The following PRKCE variants were observed in gnomAD, a reference collection of about 807,000 sequenced individuals.
PRKCE encodes the protein protein kinase C epsilon.
In PRKCE, 16 loss-of-function variants were observed where a neutral mutation model predicts 85.4. The ratio of observed to expected loss-of-function variants is 0.19; its 90% CI spans 0.13 to 0.28. The LOEUF (loss-of-function observed/expected upper bound fraction) is 0.28. PRKCE is among the 10% of genes least tolerant of loss of function. PRKCE has a pLI of 1.00. For missense variants in PRKCE, 573 were observed against 975.2 expected, an observed-to-expected ratio of 0.59 and a Z score of 5.49; for synonymous variants, 388 against 371.5, an observed-to-expected ratio of 1.04 and a Z score of -0.51.
In PRKCE at chr2:46,159,197, G is replaced by A. The variant is rs139357884; in HGVS notation, c.1921-409G>A. On this transcript the variant is annotated intron_variant, in intron 13 of 14. Coordinates refer to ENST00000306156, the MANE Select transcript of PRKCE (RefSeq NM_005400.3). This position sits in a 1 kb window ranked among gnomAD's most constrained non-coding sequence, Gnocchi z 4.1. ...ATGTAAATGAGTTTATCAGACCTCAGTCTCCCTGATGAGAAGACCTGAGAA... is the reference window on the plus strand; with the variant it reads ...ATGTAAATGAGTTTATCAGACCTCAATCTCCCTGATGAGAAGACCTGAGAA... 1.9e-4 allele frequency among the ~76,000 whole-genome samples: 29 copies of A among 152,298 alleles called. 1 individual carries two copies. The Middle Eastern group carries it at 0.02, about 107-fold the overall frequency.
chr2:46,151,494 A>G (rs531754414), intron 13 of PRKCE, among the ~76,000 whole-genome samples: 4 of 152,286 alleles, frequency 2.6e-5, no homozygotes, highest in Admixed American at 1.3e-4. Flanking sequence ...AGAGGAGCGC[A>G]TGTCTGTGCT....
intron 10 of PRKCE, among the ~76,000 whole-genome samples, chr2:46,071,178 A>T (rs1244212516): frequency 6.6e-6 from 1 of 152,230 alleles, no homozygotes; most frequent in Non-Finnish European, 1.5e-5. Flanking sequence ...AAACTTCCAA[A>T]TAATAAAATA....
At chr2:46,025,286 C>T (rs187946354) in intron 10 of PRKCE, among the ~76,000 whole-genome samples, 6 of 152,264 alleles carry the variant, frequency 3.9e-5, no homozygotes, top group Admixed American at 2.0e-4. Context: ...TACCAGGGAA[C>T]GTAAGACATC....
intron 14 of PRKCE, among the ~76,000 whole-genome samples, chr2:46,176,205 G>A (rs936819251): frequency 1.3e-5 from 2 of 152,092 alleles, no homozygotes; most frequent in African/African-American, 4.8e-5. Context: ...CCCAAGAGAG[G>A]CAAATTACAT....
intron 2 of PRKCE, among the ~76,000 whole-genome samples, chr2:45,918,986 A>G (rs571305898): frequency 6.6e-6 from 1 of 152,304 alleles, no homozygotes; most frequent in East Asian, 1.9e-4. Context: ...GGCAGTGGCC[A>G]GGGTATGCCA....
chr2:45,741,673 A>G (rs73926048), intron 1 of PRKCE, among the ~76,000 whole-genome samples: 1 of 152,128 alleles, frequency 6.6e-6, no homozygotes, highest in African/African-American at 2.4e-5. Flanking sequence ...CCAGGCTGTA[A>G]GGTACTGCTG....
chr2:45,717,177 C>T (rs557223067), intron 1 of PRKCE, among the ~76,000 whole-genome samples: 1 of 152,164 alleles, frequency 6.6e-6, no homozygotes, highest in Non-Finnish European at 1.5e-5. Flanking sequence ...AGGCTAGGCC[C>T]AGATGAGGAT....
At chr2:46,021,737 C>G (rs569217065) in intron 10 of PRKCE, among the ~76,000 whole-genome samples, 2 of 152,262 alleles carry the variant, frequency 1.3e-5, no homozygotes, top group African/African-American at 4.8e-5. Flanking sequence ...GTTATCTAAC[C>G]CGGTCACCAA....
intron 4 of PRKCE, 49 bp downstream of exon 4, chr2:45,979,059 A>G (rs1325737226): frequency 6.4e-7 from 1 of 1,559,418 alleles, no homozygotes; most frequent in Admixed American, 1.7e-5. Flanking sequence ...GGTTAGATCC[A>G]GATCACTGGC....
At chr2:45,740,980 G>A (rs1436459741) in intron 1 of PRKCE, among the ~76,000 whole-genome samples, 2 of 152,138 alleles carry the variant, frequency 1.3e-5, no homozygotes, top group Non-Finnish European at 2.9e-5. Flanking sequence ...AACATCTGAT[G>A]AAAAAATCTC....
At chr2:45,653,324 G>A (rs1221273989) in intron 1 of PRKCE, among the ~76,000 whole-genome samples, 2 of 146,214 alleles carry the variant, frequency 1.4e-5, no homozygotes, top group East Asian at 2.1e-4. Context: ...TGGACAAGCA[G>A]AGAGAAGCAA....
At chr2:46,176,094 T>C (rs1360446899) in intron 14 of PRKCE, among the ~76,000 whole-genome samples, 1 of 152,022 alleles carries the variant, frequency 6.6e-6, no homozygotes, top group African/African-American at 2.4e-5. Context: ...TGTTAAAAAA[T>C]GGCAAAAAGC....
At chr2:45,708,910 A>G (rs796645013) in intron 1 of PRKCE, among the ~76,000 whole-genome samples, 3 of 152,210 alleles carry the variant, frequency 2.0e-5, no homozygotes, top group African/African-American at 7.2e-5. Context: ...GACTCTCCAA[A>G]TCCCTGCTTG....
At chr2:46,151,513 T>G (rs1676628221) in intron 13 of PRKCE, among the ~76,000 whole-genome samples, 1 of 152,200 alleles carries the variant, frequency 6.6e-6, no homozygotes, top group African/African-American at 2.4e-5. Flanking sequence ...CTTCCTGAGA[T>G]GAGGCACTGT....
chr2:45,982,123 G>A (rs923732764), intron 5 of PRKCE, among the ~76,000 whole-genome samples: 1 of 152,180 alleles, frequency 6.6e-6, no homozygotes, highest in Non-Finnish European at 1.5e-5. Flanking sequence ...TAGCTTGGTG[G>A]AGTTGACTCC....
intron 1 of PRKCE, among the ~76,000 whole-genome samples, chr2:45,702,804 A>C (rs1337413701): frequency 6.6e-6 from 1 of 151,954 alleles, no homozygotes; most frequent in Admixed American, 6.6e-5. Context: ...TCTTTCCTTC[A>C]CTGTTCCTCA....
At chr2:45,987,017 T>G (rs1485413166) in intron 6 of PRKCE, among the ~76,000 whole-genome samples, 2 of 142,288 alleles carry the variant, frequency 1.4e-5, no homozygotes, top group South Asian at 4.5e-4. Flanking sequence ...GGAACCCTGA[T>G]GAGCTGATGT....
intron 2 of PRKCE, among the ~76,000 whole-genome samples, chr2:45,945,199 G>C (rs62128988): frequency 6.6e-6 from 1 of 152,166 alleles, no homozygotes. Flanking sequence ...AATTATTGAG[G>C]CCGGGTAATT....
intron 11 of PRKCE, among the ~76,000 whole-genome samples, chr2:46,130,641 G>A (rs1674340821): frequency 6.6e-6 from 1 of 152,186 alleles, no homozygotes; most frequent in South Asian, 2.1e-4. Flanking sequence ...CCTTTCTTCA[G>A]TTTGTTCAAA....
Sources: allele counts gnomAD v4.1 joint callset (sites outside exome capture counted in the v4.1 genomes callset), GRCh38; gene constraint gnomAD v4.1.1; non-coding constraint Gnocchi (gnomAD v3.1); transcripts MANE v1.5; gene names NCBI Gene and HGNC (gene_info 2026-07-23, HGNC 2026-07-21).